The following HMGB1 variants were observed in gnomAD, a reference collection of about 807,000 sequenced individuals.
HMGB1 encodes high mobility group box 1, also known as high mobility group protein B1.
For synonymous variants in HMGB1, 81 were observed against 84.0 expected, an observed-to-expected ratio of 0.96 and a Z score of 0.19; for missense variants, 79 against 253.5, an observed-to-expected ratio of 0.31 and a Z score of 4.67.
intron 1 of HMGB1, among the ~76,000 whole-genome samples, chr13:30,606,323 T>C (rs1040917359): frequency 1.3e-5 from 2 of 152,186 alleles, no homozygotes; most frequent in Non-Finnish European, 2.9e-5. Context: ...GTTTTTCATT[T>C]ATCATCACTT....
At chr13:30,586,027 C>T (rs1871128604) in intron 1 of HMGB1, among the ~76,000 whole-genome samples, 1 of 152,164 alleles carries the variant, frequency 6.6e-6, no homozygotes, top group Non-Finnish European at 1.5e-5. Flanking sequence ...GACGTTCATG[C>T]TGCCAAATCC....
intron 1 of HMGB1, among the ~76,000 whole-genome samples, chr13:30,529,461 C>T (rs1202669525): frequency 6.6e-6 from 1 of 152,172 alleles, no homozygotes; most frequent in Non-Finnish European, 1.5e-5. Context: ...ACATTTAAGG[C>T]CCTGTCCACA....
At chr13:30,538,499 T>TTTC (rs1868591157) in intron 1 of HMGB1, among the ~76,000 whole-genome samples, 1 of 130,876 alleles carries the variant, frequency 7.6e-6, no homozygotes, top group Non-Finnish European at 1.6e-5. Flanking sequence ...TCTTTCTTTC[T>TTTC]TTCTTTCTTT....
At chr13:30,599,185 C>G (rs1871749519) in intron 1 of HMGB1, among the ~76,000 whole-genome samples, 1 of 152,150 alleles carries the variant, frequency 6.6e-6, no homozygotes, top group African/African-American at 2.4e-5. Flanking sequence ...CGTAACACTA[C>G]AGGCCGGGCA....
At chr13:30,554,801 GCCAA>G in intron 1 of HMGB1, 1 of 764,372 alleles carries the variant, frequency 1.3e-6, no homozygotes, top group Non-Finnish European at 2.4e-6. Flanking sequence ...AAAGAAAAAG[GCCAA>G]GATAGACACC....
At chr13:30,588,831 C>G (rs1217275871) in intron 1 of HMGB1, among the ~76,000 whole-genome samples, 1 of 151,688 alleles carries the variant, frequency 6.6e-6, no homozygotes, top group Non-Finnish European at 1.5e-5. Context: ...GCAGGAGACT[C>G]GCTTGAATCT....
At chr13:30,607,638 A>G (rs1950473411) in intron 1 of HMGB1, among the ~76,000 whole-genome samples, 1 of 152,202 alleles carries the variant, frequency 6.6e-6, no homozygotes, top group Non-Finnish European at 1.5e-5. Context: ...AAGTCTGTCT[A>G]TAAATCACCT....
Position 30,496,027 on chromosome 13 carries a change from A to G in HMGB1, c.-14-32333T>C, listed in dbSNP as rs146884478. Among the ~76,000 whole-genome samples the G allele has an allele frequency of 7.2e-3, 1,095 of 152,274 alleles. 6 individuals carry two copies. The highest frequency in any genetic ancestry group is 0.034 in the Middle Eastern group (10 of 294). On this transcript the variant is annotated intron_variant, in intron 1 of 4. Coordinates refer to the HMGB1 transcript ENST00000405805. ...TCCTTTGCTCTGCTGTTTTACTACT[A>G]TAACTCAGCCTAATATGCCTTTAAC... is the stretch of plus-strand genomic sequence containing the variant.
intron 1 of HMGB1, among the ~76,000 whole-genome samples, chr13:30,601,155 C>T (rs1950396205): frequency 6.6e-6 from 1 of 152,196 alleles, no homozygotes; most frequent in Non-Finnish European, 1.5e-5. Context: ...TTCTCCCCAC[C>T]CTTGAGAATG....
chr13:30,463,101 CTT>C lies in HMGB1; in HGVS notation c.296+104_296+105del, dbSNP rs1200846139. 1.1e-5 allele frequency: 13 copies of C among 1,140,006 alleles called. 1 individual carries two copies. The South Asian group carries it at 1.5e-4, about 13-fold the overall frequency. The allele number at this position is 1,140,006 out of a possible 1,614,324, so 70.6% of individuals were successfully genotyped here. ...ATATGAACAAGTATTAGCTAAGAAA[CTT>C]TGATTGTACATTTACACTCTAAACT... On this transcript the variant is annotated intron_variant, in intron 3 of 4. Transcript: ENST00000341423.
At position 30,456,767 on chromosome 13, in the gene HMGB1, G is replaced by GGGGGT. The variant is rs1555231080; in HGVS notation, c.*4589_*4590insACCCC. ...AATAACAGCTTTTGTGGGCGGGGGGGGGGGGTGGTGGGGTGCAATTTATCA... is the reference window on the plus strand; with the variant it reads ...AATAACAGCTTTTGTGGGCGGGGGGGGGGGTGGGGGTGGTGGGGTGCAATTTATCA... On this transcript the variant is annotated 3_prime_UTR_variant, in exon 5 of 5. Transcript: ENST00000341423. 1 of 103,184 alleles carries GGGGGT rather than the reference G, an allele frequency of 9.7e-6. No individual in the cohort carries two copies. The highest frequency in any genetic ancestry group is 4.5e-4 in the South Asian group (1 of 2,228). The allele number at this position is 103,184 out of a possible 1,614,324, so 6.4% of individuals were successfully genotyped here.
chr13:30,463,044 A>C (rs1048042168), intron 3 of HMGB1, among the ~76,000 whole-genome samples, 163 bp downstream of exon 3: 1 of 152,254 alleles, frequency 6.6e-6, no homozygotes, highest in African/African-American at 2.4e-5. Flanking sequence ...ACTCCCACCC[A>C]ACAGGAATTT....
chr13:30,508,041 G>T (rs1193965523), intron 1 of HMGB1, among the ~76,000 whole-genome samples: 2 of 152,116 alleles, frequency 1.3e-5, no homozygotes. Context: ...ATTAAATGGA[G>T]TGGCTGGCCA....
At chr13:30,516,645 T>C (rs1888108137) in intron 1 of HMGB1, among the ~76,000 whole-genome samples, 1 of 152,192 alleles carries the variant, frequency 6.6e-6, no homozygotes, top group South Asian at 2.1e-4. Flanking sequence ...GGGCTGGGCA[T>C]AGTGCCTCCT....
chr13:30,598,257 T>C (rs1871705377), intron 1 of HMGB1, among the ~76,000 whole-genome samples: 2 of 152,256 alleles, frequency 1.3e-5, no homozygotes, highest in Admixed American at 6.5e-5. Flanking sequence ...GTACTTTTCA[T>C]AACTACCAGG....
intron 1 of HMGB1, among the ~76,000 whole-genome samples, chr13:30,591,669 C>G (rs1871379459): frequency 6.6e-6 from 1 of 152,082 alleles, no homozygotes; most frequent in Non-Finnish European, 1.5e-5. Context: ...GCCACTACAT[C>G]TGGCTAATTT....
chr13:30,523,241 C>T (rs538063247), intron 1 of HMGB1, among the ~76,000 whole-genome samples: 10 of 152,318 alleles, frequency 6.6e-5, no homozygotes, highest in East Asian at 1.9e-4. Flanking sequence ...ATTTTGCTTA[C>T]GCTTACATTT....
At chr13:30,464,573 G>A (rs1362769186) in intron 1 of HMGB1, 6 of 983,738 alleles carry the variant, frequency 6.1e-6, no homozygotes, top group Non-Finnish European at 7.2e-6. Flanking sequence ...GGCAGGCCCT[G>A]CAGGCCCGCG....
chr13:30,463,127 C>T, intron 3 of HMGB1, 80 bp downstream of exon 3: 1 of 1,368,842 alleles, frequency 7.3e-7, no homozygotes, highest in Non-Finnish European at 1.0e-6. Context: ...ACACTCTAAA[C>T]TGACAAAGTA....
Sources: allele counts gnomAD v4.1 joint callset (sites outside exome capture counted in the v4.1 genomes callset), GRCh38; gene constraint gnomAD v4.1.1; transcripts MANE v1.5; gene names NCBI Gene and HGNC (gene_info 2026-07-23, HGNC 2026-07-21).